PCDHGA7: variants seen among roughly 807,000 people sequenced by gnomAD.
PCDHGA7 encodes protocadherin gamma-A7.
A neutral mutation model predicts 58.3 loss-of-function variants in PCDHGA7; 44 were observed. The observed-to-expected ratio is 0.75, with a 90% CI of 0.59 to 0.97. The LOEUF is 0.97. Among genes scored for constraint, PCDHGA7 ranks in the 50% least tolerant of loss-of-function variants. The pLI, the probability that PCDHGA7 is intolerant of heterozygous loss-of-function variation, is 0.00. For missense variants in PCDHGA7, 1,266 were observed against 1,188.7 expected, an observed-to-expected ratio of 1.06 and a Z score of -0.96; for synonymous variants, 516 against 504.2, an observed-to-expected ratio of 1.02 and a Z score of -0.31.
intron 1 of PCDHGA7, chr5:141,419,056 T>C (rs2096318283): frequency 6.2e-7 from 1 of 1,613,836 alleles, no homozygotes; most frequent in Non-Finnish European, 8.5e-7. Context: ...CTTCTTCTAA[T>C]AATTACTACA....
At chr5:141,430,405 A>T (rs1163049877) in intron 1 of PCDHGA7, among the ~76,000 whole-genome samples, 1 of 152,124 alleles carries the variant, frequency 6.6e-6, no homozygotes, top group Non-Finnish European at 1.5e-5. Flanking sequence ...AAGCTCACTA[A>T]AGTTTCTATT....
At chr5:141,399,779 G>T in intron 1 of PCDHGA7, 2 of 1,613,282 alleles carry the variant, frequency 1.2e-6, no homozygotes, top group South Asian at 1.1e-5. Flanking sequence ...GTGGGCGACC[G>T]AAACGACAAC....
intron 1 of PCDHGA7, chr5:141,419,566 C>G: frequency 3.1e-6 from 5 of 1,611,792 alleles, no homozygotes; most frequent in Non-Finnish European, 2.5e-6. Context: ...CGCTGGGTCC[C>G]GACGGCTCCG....
In PCDHGA7 at chr5:141,391,294, C is replaced by T. The variant is rs1189563844; in HGVS notation, c.2424+5971C>T. On this transcript the variant is annotated intron_variant, in intron 1 of 3. Transcript: ENST00000518325. Reference sequence around the variant, plus strand: ...TTTACAAATTGCTGAAAGAAGGAAACGTCTTTCGATTCTTTTTTTTTTCTT... The same window carrying T: ...TTTACAAATTGCTGAAAGAAGGAAATGTCTTTCGATTCTTTTTTTTTTCTT... 5.9e-5 allele frequency: 9 copies of T among 151,668 alleles called. 2 individuals are homozygous for T. The highest frequency in any genetic ancestry group is 5.3e-4 in the Admixed American group (8 of 15,220). 9.4% of individuals were successfully genotyped at this position (151,668 alleles called of 1,614,324 possible).
chr5:141,477,874 T>G lies in PCDHGA7; in HGVS notation c.2425-16933T>G. On this transcript the variant is annotated intron_variant, in intron 1 of 3. Coordinates refer to ENST00000518325, the MANE Select transcript of PCDHGA7 (RefSeq NM_018920.4). This position sits in a 1 kb window ranked among gnomAD's most constrained non-coding sequence, Gnocchi z 4.9. ...AGATGCTGCCTCGAGGTACCTCAGC[T>G]GGCCACCTAGTGTCACGGGTGGTAG... 1 of 1,614,176 alleles carries G rather than the reference T, an allele frequency of 6.2e-7. No individual in the cohort carries two copies. The highest frequency in any genetic ancestry group is 8.5e-7 in the Non-Finnish European group (1 of 1,180,028).
chr5:141,409,769 G>A (rs1413636372), intron 1 of PCDHGA7: 19 of 1,612,658 alleles, frequency 1.2e-5, no homozygotes, highest in Non-Finnish European at 1.5e-5. Context: ...CTTTGATCAC[G>A]AGCAGCTGCG....
At chr5:141,440,912 G>T (rs1281398967) in intron 1 of PCDHGA7, 1 of 152,254 alleles carries the variant, frequency 6.6e-6, no homozygotes, top group Admixed American at 6.5e-5. Context: ...GGGCACTCCT[G>T]TGCTGAGAGT....
chr5:141,389,771 C>G, intron 1 of PCDHGA7: 1 of 1,613,206 alleles, frequency 6.2e-7, no homozygotes, highest in Non-Finnish European at 8.5e-7. Context: ...CAGCGCGTGC[C>G]TTAGGCGACA....
Position 141,418,952 on chromosome 5 carries a change from G to C in PCDHGA7, c.2424+33629G>C, listed in dbSNP as rs1377467334. On this transcript the variant is annotated intron_variant, in intron 1 of 3. Coordinates refer to ENST00000518325, the MANE Select transcript of PCDHGA7 (RefSeq NM_018920.4). ...TATGGAGGATTCCCCTCCAGGAGTG[G>C]TTGTTGCCCTCTTCAAAACACGGGA... 4.3e-6 allele frequency: 7 copies of C among 1,613,932 alleles called. No individual in the cohort carries two copies. Among genetic ancestry groups the C allele is most frequent in the Non-Finnish European group, 5.9e-6 (7 of 1,179,908 alleles).
chr5:141,502,179 A>G (rs1403845758), intron 2 of PCDHGA7, among the ~76,000 whole-genome samples: 2 of 152,218 alleles, frequency 1.3e-5, no homozygotes, highest in Non-Finnish European at 2.9e-5. Context: ...GGAATTTAAC[A>G]TTAATACAAT....
intron 1 of PCDHGA7, chr5:141,395,958 A>G (rs1224647324): frequency 6.6e-6 from 1 of 152,208 alleles, no homozygotes; most frequent in Admixed American, 6.5e-5. Context: ...ACAAAAAACA[A>G]AAGCAAAAAC....
chr5:141,446,778 T>C (rs2098515519), intron 1 of PCDHGA7, among the ~76,000 whole-genome samples: 1 of 152,116 alleles, frequency 6.6e-6, no homozygotes, highest in South Asian at 2.1e-4. Flanking sequence ...GTTACCATTC[T>C]TTTACTCTGA....
chr5:141,394,252 A>G, intron 1 of PCDHGA7: 1 of 1,613,902 alleles, frequency 6.2e-7, no homozygotes, highest in Non-Finnish European at 8.5e-7. Flanking sequence ...CACGACCCCG[A>G]CAGCCAGGAG....
Position 141,385,066 on chromosome 5 carries a change from C to G in PCDHGA7, c.2167C>G (p.Arg723Gly). ...CAGGCTGCGGCGCTGGCACAAGTCA[C>G]GCCTGCTGCAGGCTTCAGAAGGTGG... Reference protein sequence around the residue: ...ALRLRRWHKSRLLQASEGGLA... With the variant: ...ALRLRRWHKSGLLQASEGGLA... Residue 723 changes from arginine to glycine, a missense_variant, in exon 1 of 4, where the codon CGC (arginine) becomes GGC (glycine). Arg to Gly is a moderately radical substitution (Grantham distance 125). Transcript: ENST00000518325. 1 of 1,614,194 alleles carries G rather than the reference C, an allele frequency of 6.2e-7. No homozygotes were observed. Among genetic ancestry groups the G allele is most frequent in the Non-Finnish European group, 8.5e-7 (1 of 1,180,044 alleles).
chr5:141,433,906 A>G (rs1218318743), intron 1 of PCDHGA7, among the ~76,000 whole-genome samples: 1 of 151,412 alleles, frequency 6.6e-6, no homozygotes, highest in Non-Finnish European at 1.5e-5. Flanking sequence ...ATCACTTATT[A>G]CAATCACCTC....
intron 1 of PCDHGA7, chr5:141,392,285 A>G (rs554377698): frequency 6.6e-6 from 1 of 152,312 alleles, no homozygotes; most frequent in East Asian, 1.9e-4. Flanking sequence ...TTAGAGCACA[A>G]TGGGAAATGA....
At position 141,394,884 on chromosome 5, in the gene PCDHGA7, C is replaced by G. The variant is rs2093119839; in HGVS notation, c.2424+9561C>G. The G allele has an allele frequency of 1.2e-6, 2 of 1,613,784 alleles. 1 individual carries two copies. Among genetic ancestry groups the G allele is most frequent in the Admixed American group, 3.3e-5 (2 of 60,002 alleles). On this transcript the variant is annotated intron_variant, in intron 1 of 3. Coordinates refer to ENST00000518325, the MANE Select transcript of PCDHGA7 (RefSeq NM_018920.4). ...CGACCCGAACGATTCGAGCCTTACACTCTATCTCGTGGTGGCAGTGGCTGC... is the reference window on the plus strand; with the variant it reads ...CGACCCGAACGATTCGAGCCTTACAGTCTATCTCGTGGTGGCAGTGGCTGC...
At chr5:141,403,001 T>C (rs1189114508) in intron 1 of PCDHGA7, 11 of 1,613,878 alleles carry the variant, frequency 6.8e-6, no homozygotes, top group African/African-American at 1.3e-5. Flanking sequence ...AGTCCTGCTA[T>C]GCTCGCTCCT....
intron 1 of PCDHGA7, chr5:141,478,808 T>A: frequency 3.4e-6 from 5 of 1,459,124 alleles, no homozygotes; most frequent in Non-Finnish European, 4.5e-6. Context: ...TCTTTTGCTA[T>A]CACAACTAAC....
Sources: allele counts gnomAD v4.1 joint callset (sites outside exome capture counted in the v4.1 genomes callset), GRCh38; gene constraint gnomAD v4.1.1; non-coding constraint Gnocchi (gnomAD v3.1); transcripts MANE v1.5; gene names NCBI Gene and HGNC (gene_info 2026-07-23, HGNC 2026-07-21).